TMEM181: variants seen among roughly 807,000 people sequenced by gnomAD.
The protein encoded by TMEM181 is transmembrane protein 181.
A neutral mutation model predicts 71.9 loss-of-function variants in TMEM181; 39 were observed. The observed-to-expected ratio is 0.54, with a 90% confidence interval of 0.42 to 0.71. TMEM181 has a LOEUF of 0.71. Among genes scored for constraint, TMEM181 ranks in the 30% least tolerant of loss-of-function variants. TMEM181 has a pLI of 0.00. For missense variants in TMEM181, 595 were observed against 583.0 expected, an observed-to-expected ratio of 1.02 and a Z score of -0.21; for synonymous variants, 245 against 228.8, an observed-to-expected ratio of 1.07 and a Z score of -0.64.
At chr6:158,630,884 G>A (rs529483885) in intron 15 of TMEM181, among the ~76,000 whole-genome samples, 6 of 151,900 alleles carry the variant, frequency 3.9e-5, no homozygotes, top group Non-Finnish European at 5.9e-5. Flanking sequence ...CACAAACGGC[G>A]TCTCACTTAA....
intron 13 of TMEM181, chr6:158,626,359 T>C (rs1786275275): frequency 2.2e-6 from 1 of 456,334 alleles, no homozygotes; most frequent in African/African-American, 2.0e-5. Flanking sequence ...CTTGGTGGTT[T>C]ATGGTTTGTC....
In TMEM181 at chr6:158,619,878, AAAAAAAAAAAAGG is replaced by A. The variant is rs902250396; in HGVS notation, c.897-3670_897-3658del. Among the ~76,000 whole-genome samples, 54 of 140,072 alleles carry A rather than the reference AAAAAAAAAAAAGG, an allele frequency of 3.9e-4. No individual in the cohort carries two copies. In the East Asian group the frequency reaches 0.01, roughly 27 times the overall value. The allele number at this position is 140,072 out of a possible 152,430, so 91.9% of individuals were successfully genotyped here. A position where few individuals can be genotyped will look rare whatever the true frequency, so the allele number is the denominator to read the frequency against. On this transcript the variant is annotated intron_variant, in intron 10 of 16. Transcript: ENST00000684151. The stretch of plus-strand genomic sequence containing the variant: ...GCGAGACTCCGTCTCAAAAAAAAAA[AAAAAAAAAAAAGG>A]AGGATGTCATGAGGGGTGCAAGGTT...
At chr6:158,603,683 C>T (rs372121231) in intron 6 of TMEM181, among the ~76,000 whole-genome samples, 1 of 148,152 alleles carries the variant, frequency 6.7e-6, no homozygotes. Flanking sequence ...TGTTGATCAT[C>T]TTCCAAGTCT....
chr6:158,605,213 C>G, intron 6 of TMEM181, 54 bp from the exon 7 acceptor site: 1 of 1,372,594 alleles, frequency 7.3e-7, no homozygotes, highest in East Asian at 2.4e-5. Context: ...GGTGTATTTT[C>G]TCTTAGATGC....
intron 1 of TMEM181, among the ~76,000 whole-genome samples, chr6:158,539,762 G>A (rs1281944544): frequency 6.6e-6 from 1 of 152,228 alleles, no homozygotes; most frequent in Admixed American, 6.5e-5. Flanking sequence ...TGTCAGGAGA[G>A]GGAAGGTGGT....
chr6:158,570,600 C>T (rs1452986374), intron 1 of TMEM181, among the ~76,000 whole-genome samples: 1 of 152,004 alleles, frequency 6.6e-6, no homozygotes, highest in African/African-American at 2.4e-5. Flanking sequence ...TATACGTGCC[C>T]AAGATGCTGC....
intron 1 of TMEM181, among the ~76,000 whole-genome samples, chr6:158,562,061 G>A (rs1230320068): frequency 1.3e-5 from 2 of 152,162 alleles, no homozygotes; most frequent in African/African-American, 2.4e-5. Flanking sequence ...GAACAGAGCC[G>A]CTTGGAGGAG....
intron 13 of TMEM181, among the ~76,000 whole-genome samples, chr6:158,627,180 A>G (rs1231398673): frequency 6.7e-6 from 1 of 148,760 alleles, no homozygotes; most frequent in Non-Finnish European, 1.5e-5. Context: ...ACACACCCTC[A>G]CTCTCACACC....
At chr6:158,558,414 CT>C (rs1450951073), upstream of TMEM181, among the ~76,000 whole-genome samples, 1 of 152,206 alleles carries the variant, frequency 6.6e-6, no homozygotes, top group African/African-American at 2.4e-5. Context: ...TCCTAAGTAG[CT>C]TTTCTTCATG....
intron 10 of TMEM181, among the ~76,000 whole-genome samples, chr6:158,617,073 T>A (rs567083874): frequency 1.1e-3 from 161 of 152,348 alleles, no homozygotes; most frequent in African/African-American, 3.7e-3. Context: ...AACTCCTCCC[T>A]GTACCTCTGG....
At chr6:158,611,641 C>T in intron 10 of TMEM181, 1 of 320,588 alleles carries the variant, frequency 3.1e-6, no homozygotes, top group Admixed American at 4.1e-5. Context: ...GAAAGGACTC[C>T]CTGAGTGCTC....
At chr6:158,547,146 G>A (rs1406696302) in intron 1 of TMEM181, among the ~76,000 whole-genome samples, 4 of 152,186 alleles carry the variant, frequency 2.6e-5, no homozygotes, top group Non-Finnish European at 5.9e-5. Context: ...GCTGGCCGTG[G>A]TGGCATGTGC....
At chr6:158,627,890 C>T (rs927561214) in intron 13 of TMEM181, among the ~76,000 whole-genome samples, 6 of 152,150 alleles carry the variant, frequency 3.9e-5, no homozygotes, top group African/African-American at 1.4e-4. Flanking sequence ...CCCGAGGCCT[C>T]TGTTGTCATC....
At chr6:158,596,891 C>T (rs961089712) in intron 6 of TMEM181, among the ~76,000 whole-genome samples, 6 of 152,276 alleles carry the variant, frequency 3.9e-5, no homozygotes, top group South Asian at 2.1e-4. Flanking sequence ...TGACCTCCCC[C>T]GGGTCCCTCC....
chr6:158,609,579 TTC>T (rs1785170211), intron 10 of TMEM181: 1 of 155,858 alleles, frequency 6.4e-6, no homozygotes, highest in South Asian at 1.9e-4. Context: ...CGTCCTGGTT[TTC>T]TGTGTTCCAG....
At chr6:158,610,585 T>C in intron 10 of TMEM181, 1 of 421,634 alleles carries the variant, frequency 2.4e-6, no homozygotes, top group East Asian at 4.7e-5. Context: ...GCATCTCCTC[T>C]TGGAATGTTC....
chr6:158,614,856 A>T (rs575920526), intron 10 of TMEM181, among the ~76,000 whole-genome samples: 1 of 152,156 alleles, frequency 6.6e-6, no homozygotes, highest in East Asian at 1.9e-4. Context: ...CATGGTGTAT[A>T]TGTGTCACAT....
At chr6:158,626,698 C>A (rs1252635663) in intron 13 of TMEM181, 1 of 457,258 alleles carries the variant, frequency 2.2e-6, no homozygotes, top group Non-Finnish European at 4.4e-6. Context: ...AGTCTCTGTT[C>A]AGTGCTAGGT....
In TMEM181 at chr6:158,633,593, G is replaced by T. The variant is rs1197311863; in HGVS notation, c.*1705G>T. 6.8e-6 allele frequency: 1 copy of T among 147,036 alleles called. No homozygotes were observed. The highest frequency in any genetic ancestry group is 1.5e-5 in the Non-Finnish European group (1 of 66,320). The allele number at this position is 147,036 out of a possible 1,614,324, so 9.1% of individuals were successfully genotyped here. ...TTCACGTTATCATCCACGTTAAGTA[G>T]TGCTAGGTAGGACCTTAGAGATGTT... On this transcript the variant is annotated 3_prime_UTR_variant, in exon 17 of 17. Transcript: ENST00000684151.
Sources: gnomAD v4.1 joint callset for allele counts (sites outside exome capture counted in the v4.1 genomes callset) on GRCh38, gnomAD v4.1.1 for gene constraint, MANE v1.5 for transcripts, NCBI Gene and HGNC (gene_info 2026-07-23, HGNC 2026-07-21) for gene names.